The following BANP variants were observed in gnomAD, a reference collection of about 807,000 sequenced individuals.
BANP encodes protein BANP.
Under a neutral mutation model 68.1 loss-of-function variants are expected in BANP, and 11 were observed. The observed-to-expected ratio is 0.16, with a 90% CI of 0.10 to 0.27. BANP has a LOEUF of 0.27. Among genes scored for constraint, BANP ranks in the 10% least tolerant of loss-of-function variants. The pLI, the probability that BANP is intolerant of heterozygous loss-of-function variation, is 1.00. For missense variants in BANP, 504 were observed against 722.7 expected (o/e 0.70, Z 3.47); for synonymous variants, 329 against 303.2 (o/e 1.09, Z -0.88).
intron 13 of BANP, 49 bp from the exon 14 acceptor site, chr16:88,076,541 G>A: frequency 6.5e-7 from 1 of 1,536,776 alleles, no homozygotes. Flanking sequence ...CCCTGGCCAT[G>A]CAGTGCTGGG....
chr16:88,027,382 TG>T, intron 7 of BANP, 100 bp from the exon 8 acceptor site: 1 of 1,361,882 alleles, frequency 7.3e-7, no homozygotes. Context: ...CTGGGGTGCC[TG>T]GGTGAGGCCT....
Position 88,037,672 on chromosome 16 carries a change from A to G in BANP, c.1273-301A>G. 7.3e-6 allele frequency: 3 copies of G among 408,910 alleles called. 1 individual carries two copies. The highest frequency in any genetic ancestry group is 7.3e-5 in the South Asian group (3 of 41,216). 25.3% of individuals were successfully genotyped at this position (408,910 alleles called of 1,614,324 possible). The stretch of plus-strand genomic sequence containing the variant: ...TCTGCTACTTTCTGTACTTTTTGTG[A>G]GTCAGATTCTTTCAAAATAAAAAAT... On this transcript the variant is annotated intron_variant, in intron 10 of 13. Coordinates refer to ENST00000682872, the MANE Select transcript of BANP (RefSeq NM_001386991.1).
At chr16:88,026,221 G>T (rs562719516) in intron 7 of BANP, among the ~76,000 whole-genome samples, 1 of 152,362 alleles carries the variant, frequency 6.6e-6, no homozygotes, top group Non-Finnish European at 1.5e-5. Context: ...CGATGCACCT[G>T]GCTTTGGCCC....
chr16:87,982,001 C>G (rs1394223949), intron 3 of BANP, among the ~76,000 whole-genome samples: 1 of 152,210 alleles, frequency 6.6e-6, no homozygotes, highest in African/African-American at 2.4e-5. Flanking sequence ...CACAGGGTGT[C>G]TATTTGGTAA....
chr16:87,978,020 G>A (rs1382074735), intron 2 of BANP, among the ~76,000 whole-genome samples: 1 of 152,190 alleles, frequency 6.6e-6, no homozygotes, highest in Admixed American at 6.5e-5. Flanking sequence ...ATTTTCAGTA[G>A]AGACGGGGTT....
At chr16:88,049,228 T>A (rs1212893027) in intron 11 of BANP, among the ~76,000 whole-genome samples, 2 of 152,204 alleles carry the variant, frequency 1.3e-5, no homozygotes, top group African/African-American at 4.8e-5. Context: ...AGGTTGGGCT[T>A]CCCACGACCC....
At chr16:87,968,336 T>G (rs12919526) in intron 1 of BANP, among the ~76,000 whole-genome samples, 96,572 of 151,182 alleles carry the variant, frequency 0.64, 31,216 homozygotes, top group African/African-American at 0.68. Flanking sequence ...AATACAAAAT[T>G]AGCCGGGCAT....
At chr16:88,063,852 C>G (rs1160242077) in intron 11 of BANP, among the ~76,000 whole-genome samples, 1 of 152,068 alleles carries the variant, frequency 6.6e-6, no homozygotes, top group Non-Finnish European at 1.5e-5. Context: ...TTTACAATAA[C>G]CATGAAGGTA....
At position 87,967,953 on chromosome 16, in the gene BANP, CGTG is replaced by C. The variant is rs533045078; in HGVS notation, c.-68-7094_-68-7092del. Among the ~76,000 whole-genome samples the C allele has an allele frequency of 8.0e-3, 1,200 of 150,118 alleles. 33 individuals are homozygous for C. The highest frequency in any genetic ancestry group is 0.058 in the Admixed American group (874 of 15,088). ...GGTATTTTTAGTAAGACAGGTTCAC[CGTG>C]TTGGTCAGGCTGGTCTCGAACTCCC... On this transcript the variant is annotated intron_variant, in intron 1 of 13. Transcript: ENST00000682872.
In BANP at chr16:88,004,436, C is replaced by T. The variant is rs1351017920; in HGVS notation, c.479+25C>T. ...AGTCAGTAGCACGGCACCAACCCCA[C>T]CTTTCCCTGCCACTGTGCGGAGTCC... On this transcript the variant is annotated intron_variant, in intron 5 of 13. Transcript: ENST00000682872. The surrounding 1 kb of genome is among the most constrained non-coding windows in gnomAD (Gnocchi z 7.0). 1 of 1,279,516 alleles carries T rather than the reference C, an allele frequency of 7.8e-7. No individual in the cohort carries two copies. The highest frequency in any genetic ancestry group is 1.4e-5 in the South Asian group (1 of 72,958). The allele number at this position is 1,279,516 out of a possible 1,614,324, so 79.3% of individuals were successfully genotyped here.
chr16:88,065,047 T>C (rs1320872160), intron 11 of BANP, among the ~76,000 whole-genome samples: 1 of 152,200 alleles, frequency 6.6e-6, no homozygotes, highest in Non-Finnish European at 1.5e-5. Context: ...GCCAGGCCTT[T>C]TGTTTCTGTT....
intron 6 of BANP, among the ~76,000 whole-genome samples, chr16:88,017,938 CG>C (rs2074972097): frequency 6.6e-6 from 1 of 152,050 alleles, no homozygotes; most frequent in Admixed American, 6.6e-5. Context: ...ATTGTGTGCA[CG>C]GGGGCGACGC....
intron 5 of BANP, 118 bp from the exon 6 acceptor site, chr16:88,005,972 G>A (rs961954613): frequency 8.4e-7 from 1 of 1,194,362 alleles, no homozygotes; most frequent in African/African-American, 1.5e-5. Flanking sequence ...AGTATGGGAA[G>A]GCTGTGTGAT....
At chr16:88,074,629 C>T (rs377305316) in intron 13 of BANP, among the ~76,000 whole-genome samples, 41 of 152,220 alleles carry the variant, frequency 2.7e-4, no homozygotes, top group African/African-American at 9.6e-4. Context: ...CCCCACCCAC[C>T]CAAGTCCCCA....
intron 12 of BANP, among the ~76,000 whole-genome samples, chr16:88,067,632 C>T (rs1224041429): frequency 6.6e-6 from 1 of 152,114 alleles, no homozygotes; most frequent in Non-Finnish European, 1.5e-5. Context: ...GCTGCTGCCA[C>T]TCCCATTCAG....
chr16:88,069,555 G>A (rs761134723), intron 12 of BANP, among the ~76,000 whole-genome samples: 6 of 152,044 alleles, frequency 3.9e-5, no homozygotes, highest in African/African-American at 7.2e-5. Context: ...AGAGTGCCTC[G>A]GGGACCCAGG....
chr16:88,058,333 G>T (rs776629474), intron 11 of BANP, among the ~76,000 whole-genome samples: 15 of 152,220 alleles, frequency 9.9e-5, no homozygotes, highest in Non-Finnish European at 1.8e-4. Flanking sequence ...AGGACGGCAG[G>T]CAGGGCCGGG....
Position 88,071,659 on chromosome 16 carries a change from C to A in BANP, c.1378-410C>A. The A allele has an allele frequency of 2.1e-6, 1 of 471,820 alleles. No individual in the cohort carries two copies. The highest frequency in any genetic ancestry group is 6.4e-5 in the East Asian group (1 of 15,504). The allele number at this position is 471,820 out of a possible 1,614,324, so 29.2% of individuals were successfully genotyped here. A position where few individuals can be genotyped will look rare whatever the true frequency, so the allele number is the denominator to read the frequency against. Reference sequence around the variant, plus strand: ...TGGGTCTCAGCCTCACGCTCACGGTCCTGGCTTGGATTTTAGGCCTCAGTG... The same window carrying A: ...TGGGTCTCAGCCTCACGCTCACGGTACTGGCTTGGATTTTAGGCCTCAGTG... On this transcript the variant is annotated intron_variant, in intron 12 of 13. Coordinates refer to ENST00000682872, the MANE Select transcript of BANP (RefSeq NM_001386991.1). The surrounding 1 kb of genome is among the most constrained non-coding windows in gnomAD (Gnocchi z 6.5).
intron 1 of BANP, among the ~76,000 whole-genome samples, chr16:87,973,174 G>A (rs555734182): frequency 6.6e-6 from 1 of 152,040 alleles, no homozygotes; most frequent in Non-Finnish European, 1.5e-5. Context: ...GTCTCATTCC[G>A]TCTTTCCCAG....
Sources: allele counts gnomAD v4.1 joint callset (sites outside exome capture counted in the v4.1 genomes callset), GRCh38; gene constraint gnomAD v4.1.1; non-coding constraint Gnocchi (gnomAD v3.1); transcripts MANE v1.5; gene names NCBI Gene and HGNC (gene_info 2026-07-23, HGNC 2026-07-21).